Variants in LSAMP observed in about 807,000 individuals in gnomAD.
The protein encoded by LSAMP is limbic system-associated membrane protein.
In LSAMP, 7 loss-of-function variants were observed where a neutral mutation model predicts 38.6. That is an observed-to-expected ratio of 0.18 (90% confidence interval 0.10 to 0.34). The LOEUF (loss-of-function observed/expected upper bound fraction) is 0.34. LSAMP is among the 10% of genes least tolerant of loss of function. LSAMP has a pLI of 1.00. For synonymous variants in LSAMP, 154 were observed against 166.8 expected (o/e 0.92, Z 0.59); for missense variants, 313 against 420.0 (o/e 0.75, Z 2.23).
At chr3:116,349,176 A>G (rs1192819513) in intron 1 of LSAMP, among the ~76,000 whole-genome samples, 6 of 152,008 alleles carry the variant, frequency 3.9e-5, no homozygotes, top group Admixed American at 3.9e-4. Flanking sequence ...AATAACAGCT[A>G]TTATTATTAT....
intron 3 of LSAMP, among the ~76,000 whole-genome samples, chr3:115,949,807 C>A (rs551306634): frequency 4.0e-5 from 6 of 151,710 alleles, no homozygotes; most frequent in Non-Finnish European, 7.4e-5. Flanking sequence ...AACTACAGAT[C>A]AGTATCGCTG....
At chr3:115,855,783 C>T (rs1465400765) in intron 3 of LSAMP, among the ~76,000 whole-genome samples, 1 of 152,136 alleles carries the variant, frequency 6.6e-6, no homozygotes, top group Admixed American at 6.5e-5. Flanking sequence ...GCCAATATTT[C>T]CTTTTATTCT....
intron 3 of LSAMP, among the ~76,000 whole-genome samples, chr3:116,007,438 G>A (rs1287028195): frequency 2.0e-5 from 3 of 152,174 alleles, no homozygotes; most frequent in African/African-American, 2.4e-5. Context: ...CAGCCTCAGT[G>A]TACTGGGAGA....
intron 3 of LSAMP, among the ~76,000 whole-genome samples, chr3:115,922,290 A>C (rs1937400905): frequency 6.6e-6 from 1 of 151,822 alleles, no homozygotes; most frequent in African/African-American, 2.4e-5. Flanking sequence ...TGTTCTTCTG[A>C]CTAGATCTTT....
chr3:115,983,039 C>T (rs1012527863), intron 3 of LSAMP, among the ~76,000 whole-genome samples: 5 of 151,562 alleles, frequency 3.3e-5, no homozygotes, highest in Admixed American at 3.3e-4. Context: ...ATCCAACTTC[C>T]ATATCTCACT....
chr3:115,970,909 G>GT (rs1448739356), intron 3 of LSAMP, among the ~76,000 whole-genome samples: 10 of 152,106 alleles, frequency 6.6e-5, no homozygotes, highest in Non-Finnish European at 1.3e-4. Context: ...TGTGTTAGGG[G>GT]TTTTTTATAG....
intron 1 of LSAMP, among the ~76,000 whole-genome samples, chr3:116,351,854 C>A (rs2048144846): frequency 6.6e-6 from 1 of 152,050 alleles, no homozygotes; most frequent in Non-Finnish European, 1.5e-5. Flanking sequence ...AGAAACCAAA[C>A]AAAAGTATAT....
At chr3:116,151,141 C>T (rs1201060974) in intron 1 of LSAMP, among the ~76,000 whole-genome samples, 3 of 151,938 alleles carry the variant, frequency 2.0e-5, no homozygotes, top group Non-Finnish European at 4.4e-5. Flanking sequence ...CAAAGATAAA[C>T]CCCTAGGATA....
At chr3:115,897,581 A>G (rs1936761256) in intron 3 of LSAMP, among the ~76,000 whole-genome samples, 1 of 152,180 alleles carries the variant, frequency 6.6e-6, no homozygotes, top group African/African-American at 2.4e-5. Flanking sequence ...AATGCAAAAT[A>G]GTAATATCAG....
At chr3:116,048,106 A>C (rs750813826) in intron 2 of LSAMP, among the ~76,000 whole-genome samples, 1 of 152,230 alleles carries the variant, frequency 6.6e-6, no homozygotes, top group Non-Finnish European at 1.5e-5. Context: ...AATATCTGCC[A>C]AAAGGATGAA....
chr3:116,019,585 G>C lies in LSAMP; in HGVS notation c.444C>G (p.Asn148Lys), dbSNP rs780626885. The C allele has an allele frequency of 1.2e-6, 2 of 1,612,934 alleles. No homozygotes were observed. The highest frequency in any genetic ancestry group is 1.7e-5 in the Admixed American group (1 of 59,990). Residue 148 changes from asparagine to lysine, a missense_variant, in exon 3 of 7, where the codon AAC becomes AAG. Physicochemically the swap from Asn to Lys is moderately conservative, Grantham distance 94. Transcript: ENST00000490035. The part of the protein sequence containing the change: ...SSDVTVNEGS[N>K]VTLVCMANGR... ...CATTGGCCATGCAGACCAGAGTCAC[G>C]TTGCTGCCCTCATTCACAGTGACAT...
chr3:115,970,613 A>G (rs143996010), intron 3 of LSAMP, among the ~76,000 whole-genome samples: 229 of 152,292 alleles, frequency 1.5e-3, no homozygotes, highest in Non-Finnish European at 2.2e-3. Flanking sequence ...GTCAGAACGA[A>G]GAAGTTCTTG....
At chr3:116,145,156 T>A (rs1709462925) in intron 1 of LSAMP, among the ~76,000 whole-genome samples, 1 of 151,994 alleles carries the variant, frequency 6.6e-6, no homozygotes, top group African/African-American at 2.4e-5. Flanking sequence ...TTTTTCTATT[T>A]GAATCTTAAG....
At chr3:116,382,691 T>C (rs1466585860) in intron 1 of LSAMP, among the ~76,000 whole-genome samples, 3 of 152,078 alleles carry the variant, frequency 2.0e-5, no homozygotes, top group African/African-American at 7.2e-5. Flanking sequence ...TGGTCTTTAA[T>C]AGGAGAAGTT....
Position 116,093,314 on chromosome 3 carries a change from A to G in LSAMP, c.156-6758T>C, listed in dbSNP as rs542963305. 3.1e-4 allele frequency among the ~76,000 whole-genome samples: 47 copies of G among 152,318 alleles called. 2 individuals are homozygous for G. Among genetic ancestry groups the G allele is most frequent in the African/African-American group, 1.1e-3 (46 of 41,582 alleles). On this transcript the variant is annotated intron_variant, in intron 1 of 6. Coordinates refer to ENST00000490035, the MANE Select transcript of LSAMP (RefSeq NM_002338.5). ...TCCTACAATGCCGTGGACAGCCCCC[A>G]ATCACAAAGATGTATCTTATCCAAA...
At chr3:115,892,596 G>A (rs1433186170) in intron 3 of LSAMP, among the ~76,000 whole-genome samples, 4 of 151,806 alleles carry the variant, frequency 2.6e-5, no homozygotes, top group African/African-American at 9.7e-5. Flanking sequence ...GGTTTCGGGA[G>A]TGCTAGTAGT....
At chr3:115,884,988 AAAG>A (rs1406291724) in intron 3 of LSAMP, among the ~76,000 whole-genome samples, 9 of 152,062 alleles carry the variant, frequency 5.9e-5, no homozygotes, top group Non-Finnish European at 7.4e-5. Context: ...AAATACTAAA[AAAG>A]GCGTTCACAG....
rs1306769548 is a variant in LSAMP, at chr3:115,806,492, A to G, written c.*3825T>C. 2 of 152,226 alleles carry G rather than the reference A, an allele frequency of 1.3e-5. No individual in the cohort carries two copies. The highest frequency in any genetic ancestry group is 2.9e-5 in the Non-Finnish European group (2 of 68,044). The allele number at this position is 152,226 out of a possible 1,614,324, so 9.4% of individuals were successfully genotyped here. A position where few individuals can be genotyped will look rare whatever the true frequency, so the allele number is the denominator to read the frequency against. On this transcript the variant is annotated 3_prime_UTR_variant, in exon 7 of 7. Transcript: ENST00000490035. ...AAGAAGCTCACAACTTGGTAAAGTA[A>G]TAACTCAAACAATTTCATGCTGAGG... is the stretch of plus-strand genomic sequence containing the variant.
chr3:116,313,756 C>A (rs2047589730), intron 1 of LSAMP, among the ~76,000 whole-genome samples: 1 of 152,216 alleles, frequency 6.6e-6, no homozygotes, highest in South Asian at 2.1e-4. Flanking sequence ...GTGTTTGAGA[C>A]CAGCCTGGCC....
Sources: allele counts gnomAD v4.1 joint callset (sites outside exome capture counted in the v4.1 genomes callset), GRCh38; gene constraint gnomAD v4.1.1; transcripts MANE v1.5; gene names NCBI Gene and HGNC (gene_info 2026-07-23, HGNC 2026-07-21).